PRELID2: variants seen among roughly 807,000 people sequenced by gnomAD.
PRELID2 encodes PRELI domain-containing protein 2.
A neutral mutation model predicts 28.4 loss-of-function variants in PRELID2; 25 were observed. The observed-to-expected ratio is 0.88, with a 90% CI of 0.64 to 1.23. PRELID2 has a LOEUF of 1.23. PRELID2 is among the 50% of genes most tolerant of loss of function. PRELID2 has a pLI of 0.00. For missense variants in PRELID2, 201 were observed against 214.4 expected (o/e 0.94, Z 0.39); for synonymous variants, 76 against 71.6 (o/e 1.06, Z -0.31).
chr5:145,344,649 CA>C, the PRELID2 span, among the ~76,000 whole-genome samples: 1 of 151,892 alleles, frequency 6.6e-6, no homozygotes, highest in South Asian at 2.1e-4. Flanking sequence ...TGTTCTTAAC[CA>C]CACAGAATCC....
chr5:145,490,877 G>C (rs1159525483), intron 1 of PRELID2, among the ~76,000 whole-genome samples: 1 of 151,994 alleles, frequency 6.6e-6, no homozygotes, highest in Non-Finnish European at 1.5e-5. Context: ...TGGTATACGG[G>C]ACAGTTTCCA....
chr5:145,447,992 TG>T, the PRELID2 span, among the ~76,000 whole-genome samples: 2 of 152,110 alleles, frequency 1.3e-5, no homozygotes, highest in African/African-American at 4.8e-5. Flanking sequence ...TACCCAGTAA[TG>T]GGATGGCTGG....
At chr5:145,429,273 G>C in the PRELID2 span, among the ~76,000 whole-genome samples, 2 of 152,320 alleles carry the variant, frequency 1.3e-5, no homozygotes, top group South Asian at 4.1e-4. Flanking sequence ...GCCATGAAAG[G>C]AAGGTAGGGT....
intron 1 of PRELID2, among the ~76,000 whole-genome samples, chr5:145,604,046 CT>C (rs933087999): frequency 1.3e-5 from 2 of 151,436 alleles, no homozygotes; most frequent in African/African-American, 4.9e-5. Context: ...ATATAAATAT[CT>C]TTTTTTTAGT....
At chr5:145,482,208 C>G (rs918957253) in intron 1 of PRELID2, among the ~76,000 whole-genome samples, 4 of 152,170 alleles carry the variant, frequency 2.6e-5, no homozygotes, top group African/African-American at 9.7e-5. Context: ...TGTGAGCCAG[C>G]AGGGAAGCAC....
chr5:145,337,701 A>G, the PRELID2 span, among the ~76,000 whole-genome samples: 6 of 30,798 alleles, frequency 1.9e-4, no homozygotes, highest in African/African-American at 8.4e-4. Flanking sequence ...ATATATATAT[A>G]TATATATATA....
intron 1 of PRELID2, among the ~76,000 whole-genome samples, chr5:145,492,958 A>G (rs1349181359): frequency 7.1e-6 from 1 of 140,446 alleles, no homozygotes. Flanking sequence ...TGTTGGGGTA[A>G]AAGTCAATGT....
chr5:145,661,685 AAAAACAT>A (rs1204455088), intron 1 of PRELID2, among the ~76,000 whole-genome samples: 3 of 143,690 alleles, frequency 2.1e-5, no homozygotes, highest in African/African-American at 8.8e-5. Flanking sequence ...AAAAAAAAAA[AAAAACAT>A]GTTATGCTTG....
the PRELID2 span, among the ~76,000 whole-genome samples, chr5:145,334,083 T>A: frequency 0.028 from 4,197 of 152,142 alleles, 189 homozygotes; most frequent in African/African-American, 0.096. Context: ...CTGCTTTGGC[T>A]CAACCTCCAT....
chr5:145,603,539 C>T (rs369691050), intron 1 of PRELID2, among the ~76,000 whole-genome samples: 16 of 152,058 alleles, frequency 1.1e-4, no homozygotes, highest in African/African-American at 3.9e-4. Context: ...CGCCAGAAGA[C>T]TTACAAAATA....
At chr5:145,279,385 G>A in the PRELID2 span, among the ~76,000 whole-genome samples, 1 of 152,068 alleles carries the variant, frequency 6.6e-6, no homozygotes, top group Non-Finnish European at 1.5e-5. Context: ...TTATGAACAA[G>A]CCCTTTTGTT....
chr5:145,810,168 C>G (rs1379469468), intron 4 of PRELID2, among the ~76,000 whole-genome samples: 1 of 152,180 alleles, frequency 6.6e-6, no homozygotes, highest in African/African-American at 2.4e-5. Context: ...GTGTCCTGCT[C>G]TACATAATAA....
Position 145,535,332 on chromosome 5 carries a change from A to C in PRELID2, n.71-62017T>G, listed in dbSNP as rs542730251. Among the ~76,000 whole-genome samples the C allele has an allele frequency of 2.6e-5, 4 of 152,030 alleles. No individual in the cohort carries two copies. In the East Asian group the frequency reaches 7.8e-4, roughly 29 times the overall value. ...TATTATACTGTAGCCCAGCGAGTTT[A>C]AGTGATTTTCTTAGAATCACACAGC... On this transcript the variant is annotated intron_variant and non_coding_transcript_variant, in intron 1 of 2. Coordinates refer to the PRELID2 transcript ENST00000510259.
At chr5:145,341,135 T>A in the PRELID2 span, among the ~76,000 whole-genome samples, 1 of 151,162 alleles carries the variant, frequency 6.6e-6, no homozygotes, top group Non-Finnish European at 1.5e-5. Flanking sequence ...TCCAAAAAAT[T>A]GGAAGAAGTG....
intron 5 of PRELID2, among the ~76,000 whole-genome samples, chr5:145,780,159 A>G (rs1375858985): frequency 6.6e-6 from 1 of 152,164 alleles, no homozygotes; most frequent in Non-Finnish European, 1.5e-5. Flanking sequence ...CTAAAAATAT[A>G]AAAATTAGCC....
intron 1 of PRELID2, among the ~76,000 whole-genome samples, chr5:145,545,440 G>C (rs1212260969): frequency 8.6e-6 from 1 of 115,976 alleles, no homozygotes; most frequent in Non-Finnish European, 1.7e-5. Flanking sequence ...ATATATGATG[G>C]AGTAGAAGGC....
intron 1 of PRELID2, among the ~76,000 whole-genome samples, chr5:145,648,628 T>C (rs1206627608): frequency 6.6e-6 from 1 of 151,124 alleles, no homozygotes; most frequent in Admixed American, 6.6e-5. Context: ...GTTTAGGCGG[T>C]TTTTTTGTAT....
intron 1 of PRELID2, among the ~76,000 whole-genome samples, chr5:145,658,368 G>C (rs1167589430): frequency 6.6e-6 from 1 of 152,186 alleles, no homozygotes; most frequent in Admixed American, 6.5e-5. Context: ...AATGGAGCAT[G>C]CATTTCCATT....
chr5:145,713,373 T>TATATATATATATATATATATATATATA (rs1561554129), intron 1 of PRELID2, among the ~76,000 whole-genome samples: 1 of 141,494 alleles, frequency 7.1e-6, no homozygotes, highest in African/African-American at 2.6e-5. Context: ...TATATATACT[T>TATATATATATATATATATATATATATA]TACATTATAT....
Sources: gnomAD v4.1 joint callset for allele counts (sites outside exome capture counted in the v4.1 genomes callset) on GRCh38, gnomAD v4.1.1 for gene constraint, MANE v1.5 for transcripts, NCBI Gene and HGNC (gene_info 2026-07-23, HGNC 2026-07-21) for gene names.